KLRG2: variants seen among roughly 807,000 people sequenced by gnomAD.
KLRG2 encodes killer cell lectin-like receptor subfamily G member 2.
KLRG2 carries 39 observed loss-of-function variants against 35.4 expected under a neutral mutation model. The ratio of observed to expected loss-of-function variants is 1.10; its 90% CI spans 0.85 to 1.44. KLRG2 has a LOEUF of 1.44. Ranked by LOEUF, KLRG2 falls within the 40% of genes most tolerant of loss-of-function variation. The pLI is 0.00. For missense variants in KLRG2, 632 were observed against 570.9 expected (o/e 1.11, Z -1.09); for synonymous variants, 283 against 265.8 (o/e 1.06, Z -0.63).
At chr7:139,440,411 CTTTTT>C in the KLRG2 span, among the ~76,000 whole-genome samples, 4 of 40,510 alleles carry the variant, frequency 9.9e-5, no homozygotes, top group African/African-American at 6.8e-4. Context: ...CCACACCTGG[CTTTTT>C]TTTTTTTTTT....
chr7:139,461,380 T>A (rs1412504230), intron 3 of KLRG2, among the ~76,000 whole-genome samples: 1 of 152,180 alleles, frequency 6.6e-6, no homozygotes, highest in Non-Finnish European at 1.5e-5. Context: ...GTTACTGAGC[T>A]TTTCTTTGCC....
chr7:139,474,054 G>A (rs1796807537), intron 3 of KLRG2, among the ~76,000 whole-genome samples: 2 of 135,222 alleles, frequency 1.5e-5, no homozygotes, highest in African/African-American at 5.7e-5. Context: ...GTCTCACTCT[G>A]TCACCCAGGC....
At chr7:139,465,263 A>G (rs563928583) in intron 3 of KLRG2, among the ~76,000 whole-genome samples, 3 of 152,302 alleles carry the variant, frequency 2.0e-5, no homozygotes, top group Admixed American at 1.3e-4. Flanking sequence ...ATTTATATTG[A>G]CTTTAAATAT....
the KLRG2 span, among the ~76,000 whole-genome samples, chr7:139,437,834 A>G: frequency 2.0e-5 from 3 of 152,204 alleles, no homozygotes; most frequent in African/African-American, 7.2e-5. Context: ...GTTTGAGATC[A>G]TCTCTGGTCC....
At chr7:139,466,711 C>T (rs923945157) in intron 3 of KLRG2, among the ~76,000 whole-genome samples, 5 of 150,112 alleles carry the variant, frequency 3.3e-5, no homozygotes, top group Non-Finnish European at 7.4e-5. Flanking sequence ...CCAAAATCGC[C>T]GAGGCCTCGA....
rs531766390 is a variant in KLRG2, at chr7:139,468,342, C to T, written c.1005+11285G>A. 5.3e-5 allele frequency among the ~76,000 whole-genome samples: 8 copies of T among 152,248 alleles called. No individual in the cohort carries two copies. In the East Asian group the frequency reaches 1.5e-3, roughly 29 times the overall value. On this transcript the variant is annotated intron_variant, in intron 3 of 4. Transcript: ENST00000340940. ...TCTCGTTCCACCTAACAAGAAAGAC[C>T]CACAGGTGTGGAGGGGCAACCCACC...
At chr7:139,473,182 G>A (rs956487229) in intron 3 of KLRG2, among the ~76,000 whole-genome samples, 1 of 152,186 alleles carries the variant, frequency 6.6e-6, no homozygotes, top group African/African-American at 2.4e-5. Flanking sequence ...TCAGGAGGCC[G>A]AGGCAGGAGA....
At chr7:139,469,913 T>C (rs1796727874) in intron 3 of KLRG2, among the ~76,000 whole-genome samples, 1 of 151,880 alleles carries the variant, frequency 6.6e-6, no homozygotes, top group Admixed American at 6.6e-5. Flanking sequence ...GCGTAAGGAG[T>C]AGAGATTCCT....
chr7:139,431,915 G>T, the KLRG2 span, among the ~76,000 whole-genome samples: 1 of 152,230 alleles, frequency 6.6e-6, no homozygotes, highest in Middle Eastern at 3.4e-3. Flanking sequence ...TCTGAAGTCA[G>T]AACTTCTCAA....
downstream of KLRG2, among the ~76,000 whole-genome samples, chr7:139,450,286 C>T (rs181539967): frequency 4.8e-3 from 726 of 151,020 alleles, 3 homozygotes; most frequent in African/African-American, 0.016. Context: ...TGCAGTGGCG[C>T]GATCTCGGCT....
chr7:139,475,375 C>T (rs1302848354), intron 3 of KLRG2, among the ~76,000 whole-genome samples: 1 of 151,876 alleles, frequency 6.6e-6, no homozygotes, highest in Admixed American at 6.6e-5. Context: ...ACTAAAAATA[C>T]AAAAAATTAG....
At chr7:139,469,573 T>C (rs1011076086) in intron 3 of KLRG2, among the ~76,000 whole-genome samples, 5 of 152,054 alleles carry the variant, frequency 3.3e-5, no homozygotes, top group Non-Finnish European at 7.4e-5. Context: ...GACTCTTAAG[T>C]AGCTGGGATC....
rs536550074 is a variant in KLRG2 at position 139,483,210 on chromosome 7, T to C, written c.433A>G (p.Arg145Gly). The change falls in exon 1 of 5, where the codon AGG becomes GGG. Residue 145 changes from arginine (R) to glycine (G), a missense_variant. Transcript: ENST00000340940. The stretch of plus-strand genomic sequence containing the variant: ...ACCTTGAGGAAGCGCGTGGAGGGCC[T>C]GGGCGATGGCGTGCTGCTGCCACCG... ...AAGGSSTPSP[R>G]PSTRFLKVPV... is the part of the protein sequence containing the mutation. 25 of 1,528,396 alleles carry C rather than the reference T, an allele frequency of 1.6e-5. No homozygotes were observed. In the African/African-American group the frequency reaches 2.1e-4, roughly 13 times the overall value. 94.7% of individuals were successfully genotyped at this position (1,528,396 alleles called of 1,614,324 possible).
At chr7:139,481,921 T>C (rs1435374037) in intron 1 of KLRG2, among the ~76,000 whole-genome samples, 2 of 151,146 alleles carry the variant, frequency 1.3e-5, no homozygotes, top group Non-Finnish European at 3.0e-5. Flanking sequence ...GCGCAAAACT[T>C]ATTTCTTAAA....
At chr7:139,479,510 C>T in intron 3 of KLRG2, 117 bp downstream of exon 3, 1 of 1,057,460 alleles carries the variant, frequency 9.5e-7, no homozygotes, top group Non-Finnish European at 1.4e-6. Context: ...TACTCCTCTA[C>T]ACCTTGGTGA....
At chr7:139,451,823 C>T (rs960949387), downstream of KLRG2, among the ~76,000 whole-genome samples, 1 of 152,144 alleles carries the variant, frequency 6.6e-6, no homozygotes, top group Non-Finnish European at 1.5e-5. Context: ...TGTGTCATTT[C>T]TCCAGGCACA....
the KLRG2 span, among the ~76,000 whole-genome samples, chr7:139,427,192 G>A: frequency 4.6e-5 from 7 of 152,198 alleles, no homozygotes; most frequent in African/African-American, 1.7e-4. Context: ...GAGTAGGGGA[G>A]AGCAGGCAGG....
chr7:139,462,391 C>T (rs1426514320), intron 3 of KLRG2, among the ~76,000 whole-genome samples: 1 of 145,028 alleles, frequency 6.9e-6, no homozygotes, highest in Non-Finnish European at 1.5e-5. Flanking sequence ...CCCCCCATCC[C>T]TTCTCTCTGT....
the KLRG2 span, among the ~76,000 whole-genome samples, chr7:139,447,660 C>T: frequency 6.6e-6 from 1 of 152,068 alleles, no homozygotes; most frequent in East Asian, 1.9e-4. Flanking sequence ...ACCTCGGCCT[C>T]CCAAAGTGCT....
Sources: gnomAD v4.1 joint callset for allele counts (sites outside exome capture counted in the v4.1 genomes callset) on GRCh38, gnomAD v4.1.1 for gene constraint, MANE v1.5 for transcripts, NCBI Gene and HGNC (gene_info 2026-07-23, HGNC 2026-07-21) for gene names.